Variants in CTDSPL observed in about 807,000 individuals in gnomAD.
The protein encoded by CTDSPL is CTD small phosphatase like.
Under a neutral mutation model 30.5 loss-of-function variants are expected in CTDSPL, and 8 were observed. That is an observed-to-expected ratio of 0.26 (90% CI 0.15 to 0.47). The LOEUF (loss-of-function observed/expected upper bound fraction) is 0.47, where lower values mean the gene tolerates loss of function less well. Among genes scored for constraint, CTDSPL ranks in the 20% least tolerant of loss-of-function variants. The pLI is 0.99. For missense variants in CTDSPL, 248 were observed against 366.1 expected, an observed-to-expected ratio of 0.68 and a Z score of 2.63; for synonymous variants, 110 against 137.9, an observed-to-expected ratio of 0.80 and a Z score of 1.42.
chr3:37,862,643 A>G lies in CTDSPL; in HGVS notation c.79+365A>G, dbSNP rs896872738. On this transcript the variant is annotated intron_variant, in intron 1 of 7. Coordinates refer to ENST00000273179, the MANE Select transcript of CTDSPL (RefSeq NM_001008392.2). The surrounding 1 kb of genome is among the most constrained non-coding windows in gnomAD (Gnocchi z 4.3). ...TGCACACGCGGACAGAGTGATTGTA[A>G]GGATATGTGTGCACCTCACAGAGAG... Among the ~76,000 whole-genome samples the G allele has an allele frequency of 5.3e-5, 8 of 152,170 alleles. No individual in the cohort carries two copies. Among genetic ancestry groups the G allele is most frequent in the African/African-American group, 1.9e-4 (8 of 41,434 alleles).
chr3:37,911,088 C>T (rs555209455), intron 1 of CTDSPL, among the ~76,000 whole-genome samples: 1 of 152,146 alleles, frequency 6.6e-6, no homozygotes, highest in African/African-American at 2.4e-5. Context: ...AAATGCAGAC[C>T]GTAGAGTGTG....
intron 1 of CTDSPL, among the ~76,000 whole-genome samples, chr3:37,877,955 C>T (rs1442825175): frequency 6.6e-6 from 1 of 152,186 alleles, no homozygotes; most frequent in Non-Finnish European, 1.5e-5. Context: ...CCACTGTCAA[C>T]ACTGAGGATC....
At chr3:37,870,008 T>G (rs1477172246) in intron 1 of CTDSPL, among the ~76,000 whole-genome samples, 1 of 152,150 alleles carries the variant, frequency 6.6e-6, no homozygotes, top group Non-Finnish European at 1.5e-5. Flanking sequence ...TTCTATTTGC[T>G]AATATTTTGT....
At position 37,862,418 on chromosome 3, in the gene CTDSPL, A is replaced by G; in HGVS notation, c.79+140A>G. 1 of 571,278 alleles carries G rather than the reference A, an allele frequency of 1.8e-6. No individual in the cohort carries two copies. Among genetic ancestry groups the G allele is most frequent in the Non-Finnish European group, 2.6e-6 (1 of 387,392 alleles). 35.4% of individuals were successfully genotyped at this position (571,278 alleles called of 1,614,324 possible). A position where few individuals can be genotyped will look rare whatever the true frequency, so the allele number is the denominator to read the frequency against. On this transcript the variant is annotated intron_variant, in intron 1 of 7. Transcript: ENST00000273179. This position sits in a 1 kb window ranked among gnomAD's most constrained non-coding sequence, Gnocchi z 4.3. ...GTGCGTGGGTGTGGGGTGCGCCCGG[A>G]GGAGAGCGAGGCTGCCAGAGTGCGT...
chr3:37,982,273 C>T lies in CTDSPL; in HGVS notation c.*1406C>T, dbSNP rs571702768. ...GGGAAGCCTGTCTAGATGTGGGACT[C>T]ATTGCCCCAAACCAGGGAGAGGAAG... On this transcript the variant is annotated 3_prime_UTR_variant, in exon 8 of 8. Coordinates refer to ENST00000273179, the MANE Select transcript of CTDSPL (RefSeq NM_001008392.2). The T allele has an allele frequency of 6.1e-6, 2 of 328,670 alleles. No homozygotes were observed. The highest frequency in any genetic ancestry group is 2.5e-5 in the South Asian group (1 of 40,544). The allele number at this position is 328,670 out of a possible 1,614,324, so 20.4% of individuals were successfully genotyped here.
At chr3:37,914,015 G>A (rs889504854) in intron 1 of CTDSPL, among the ~76,000 whole-genome samples, 1 of 152,198 alleles carries the variant, frequency 6.6e-6, no homozygotes, top group Non-Finnish European at 1.5e-5. Context: ...GAATCTGTAG[G>A]CGAGTTTGGC....
At chr3:37,968,730 G>T (rs899553087) in intron 5 of CTDSPL, among the ~76,000 whole-genome samples, 2 of 152,224 alleles carry the variant, frequency 1.3e-5, no homozygotes, top group Non-Finnish European at 2.9e-5. Flanking sequence ...TGAGTGCAAG[G>T]TGTCAGAACT....
chr3:37,875,913 A>C (rs981249340), intron 1 of CTDSPL, among the ~76,000 whole-genome samples: 1 of 152,200 alleles, frequency 6.6e-6, no homozygotes, highest in African/African-American at 2.4e-5. Context: ...GTATCACTAC[A>C]TAGGCCTGTC....
At chr3:37,863,523 C>T (rs1212056918) in intron 1 of CTDSPL, among the ~76,000 whole-genome samples, 1 of 152,244 alleles carries the variant, frequency 6.6e-6, no homozygotes, top group Non-Finnish European at 1.5e-5. Context: ...GCCTCATTCT[C>T]TTCCTGTCCT....
At chr3:37,911,051 T>C (rs71323641) in intron 1 of CTDSPL, among the ~76,000 whole-genome samples, 15,933 of 152,252 alleles carry the variant, frequency 0.1, 896 homozygotes, top group Middle Eastern at 0.16. Flanking sequence ...AACAGAAAGG[T>C]AGACCTTACA....
intron 1 of CTDSPL, among the ~76,000 whole-genome samples, chr3:37,933,319 A>C (rs1355076191): frequency 6.6e-6 from 1 of 152,186 alleles, no homozygotes; most frequent in Non-Finnish European, 1.5e-5. Context: ...TCTCCCTTCC[A>C]GTTCTGTCTT....
intron 1 of CTDSPL, chr3:37,911,524 A>G: frequency 2.7e-6 from 1 of 367,966 alleles, no homozygotes; most frequent in Non-Finnish European, 5.5e-6. Context: ...GGGTGAGGGA[A>G]TAATGAAGGC....
intron 1 of CTDSPL, among the ~76,000 whole-genome samples, chr3:37,866,327 A>T (rs1698008867): frequency 2.0e-5 from 3 of 152,352 alleles, no homozygotes; most frequent in African/African-American, 7.2e-5. Context: ...TGTAAAAAAA[A>T]AATCACACAT....
At chr3:37,929,127 A>G (rs1698819983) in intron 1 of CTDSPL, among the ~76,000 whole-genome samples, 1 of 152,090 alleles carries the variant, frequency 6.6e-6, no homozygotes, top group Admixed American at 6.5e-5. Context: ...ATTCTGTTCC[A>G]TTGGTCTATG....
intron 1 of CTDSPL, among the ~76,000 whole-genome samples, chr3:37,886,995 G>C (rs1379321616): frequency 6.6e-6 from 1 of 152,184 alleles, no homozygotes; most frequent in African/African-American, 2.4e-5. Flanking sequence ...TGAGCTCACT[G>C]ATATCATCCC....
intron 1 of CTDSPL, among the ~76,000 whole-genome samples, chr3:37,886,348 T>A (rs532818880): frequency 6.6e-6 from 1 of 152,228 alleles, no homozygotes; most frequent in East Asian, 1.9e-4. Context: ...CCTCACAGCC[T>A]CACATCTGGG....
intron 1 of CTDSPL, among the ~76,000 whole-genome samples, chr3:37,891,583 A>T (rs996392914): frequency 3.9e-5 from 6 of 152,212 alleles, no homozygotes; most frequent in Non-Finnish European, 8.8e-5. Context: ...GTAGGGAAGG[A>T]CCCATTTGCA....
chr3:37,865,978 A>G (rs1698004658), intron 1 of CTDSPL, among the ~76,000 whole-genome samples: 1 of 152,224 alleles, frequency 6.6e-6, no homozygotes, highest in African/African-American at 2.4e-5. Context: ...AGGTGGGAAC[A>G]GGTATTGGTT....
At chr3:37,949,010 C>T (rs1042490920) in intron 2 of CTDSPL, among the ~76,000 whole-genome samples, 8 of 150,392 alleles carry the variant, frequency 5.3e-5, no homozygotes, top group South Asian at 2.1e-4. Context: ...TTAGTAGAGA[C>T]GGGGTTTCAC....
Sources: gnomAD v4.1 joint callset for allele counts (sites outside exome capture counted in the v4.1 genomes callset) on GRCh38, gnomAD v4.1.1 for gene constraint, Gnocchi (gnomAD v3.1) non-coding constraint, MANE v1.5 for transcripts, NCBI Gene and HGNC (gene_info 2026-07-23, HGNC 2026-07-21) for gene names.